LGR5: variants seen among roughly 807,000 people sequenced by gnomAD.
LGR5 encodes the protein leucine-rich repeat-containing G protein-coupled receptor 5.
In LGR5, 54 loss-of-function variants were observed where a neutral mutation model predicts 76.7. The observed-to-expected ratio is 0.70, with a 90% CI of 0.57 to 0.88. LGR5 has a LOEUF of 0.88. Among genes scored for constraint, LGR5 ranks in the 40% least tolerant of loss-of-function variants. LGR5 has a pLI of 0.00. For synonymous variants in LGR5, 406 were observed against 421.9 expected (o/e 0.96, Z 0.46); for missense variants, 1,078 against 1,073.3 (o/e 1.00, Z -0.06).
At chr12:71,446,517 T>C (rs1283669293) in intron 1 of LGR5, among the ~76,000 whole-genome samples, 7 of 152,188 alleles carry the variant, frequency 4.6e-5, no homozygotes, top group Non-Finnish European at 1.0e-4. Context: ...GGAATGATAA[T>C]AGTACCTCTT....
At chr12:71,556,482 C>A in intron 5 of LGR5, 137 bp from the exon 6 acceptor site, 1 of 651,436 alleles carries the variant, frequency 1.5e-6, no homozygotes, top group Non-Finnish European at 2.8e-6. Flanking sequence ...GTGAATGCAG[C>A]ATATAGCCAT....
At chr12:71,570,072 T>C (rs916374092) in intron 11 of LGR5, among the ~76,000 whole-genome samples, 1 of 152,078 alleles carries the variant, frequency 6.6e-6, no homozygotes, top group Non-Finnish European at 1.5e-5. Flanking sequence ...AAACCAAACA[T>C]TGCAAGTTCT....
chr12:71,582,521 C>A lies in LGR5; in HGVS notation c.1618C>A (p.Gln540Lys), dbSNP rs753557957. The A allele has an allele frequency of 2.5e-6, 4 of 1,613,548 alleles. No homozygotes were observed. The change falls in exon 17 of 18, where the codon CAG (glutamine) becomes AAG (lysine). Residue 540 changes from glutamine to lysine, a missense_variant. Physicochemically the swap from Gln to Lys is moderately conservative, Grantham distance 53. Coordinates refer to ENST00000266674, the MANE Select transcript of LGR5 (RefSeq NM_003667.4). ...AGACCTGAAAGCCCTTCATTCAGTG[C>A]AGTGTTCACCTTCCCCAGGTGAGAA... ...EEDLKALHSV[Q>K]CSPSPGPFKP...
At chr12:71,574,482 A>G (rs1218790246) in intron 13 of LGR5, among the ~76,000 whole-genome samples, 1 of 152,024 alleles carries the variant, frequency 6.6e-6, no homozygotes, top group Non-Finnish European at 1.5e-5. Context: ...CCGCAGGCCC[A>G]TTAATGATTC....
intron 3 of LGR5, among the ~76,000 whole-genome samples, chr12:71,534,320 G>A (rs922726375): frequency 2.0e-5 from 3 of 152,018 alleles, no homozygotes; most frequent in African/African-American, 7.3e-5. Flanking sequence ...TTTCCATTCT[G>A]TAGTCCCCAT....
chr12:71,487,029 T>G (rs1402940006), intron 1 of LGR5, among the ~76,000 whole-genome samples: 2 of 152,154 alleles, frequency 1.3e-5, no homozygotes, highest in African/African-American at 4.8e-5. Context: ...ATCCAGACCA[T>G]TTAGGTGGAA....
At chr12:71,525,407 T>C (rs1875943757) in intron 3 of LGR5, among the ~76,000 whole-genome samples, 2 of 99,644 alleles carry the variant, frequency 2.0e-5, no homozygotes, top group South Asian at 5.7e-4. Flanking sequence ...CTTTTCTTTC[T>C]TTTTTTTTTT....
At chr12:71,571,380 A>T in intron 11 of LGR5, 134 bp from the exon 12 acceptor site, 3 of 560,684 alleles carry the variant, frequency 5.4e-6, no homozygotes, top group Non-Finnish European at 9.4e-6. Flanking sequence ...TACCTGCTCC[A>T]TGTCAGGGCT....
chr12:71,472,112 T>C (rs964928734), intron 1 of LGR5, among the ~76,000 whole-genome samples: 6 of 152,268 alleles, frequency 3.9e-5, no homozygotes, highest in African/African-American at 1.4e-4. Flanking sequence ...AATTTATTCA[T>C]GTAACCACAC....
chr12:71,564,961 G>A (rs553397705), intron 8 of LGR5, among the ~76,000 whole-genome samples: 36 of 150,386 alleles, frequency 2.4e-4, no homozygotes, highest in Admixed American at 1.7e-3. Context: ...GTATATATAC[G>A]TATGTGTGTA....
At chr12:71,479,470 C>G (rs1873488259) in intron 1 of LGR5, among the ~76,000 whole-genome samples, 1 of 152,168 alleles carries the variant, frequency 6.6e-6, no homozygotes, top group African/African-American at 2.4e-5. Flanking sequence ...ATTCAGCACC[C>G]CCTTGCCCTT....
intron 1 of LGR5, among the ~76,000 whole-genome samples, chr12:71,456,088 A>C (rs1223129755): frequency 2.0e-5 from 3 of 152,110 alleles, no homozygotes; most frequent in African/African-American, 7.2e-5. Flanking sequence ...TAAGAAGCAA[A>C]ATTTTTCTAC....
At chr12:71,470,470 A>G (rs1020059070) in intron 1 of LGR5, among the ~76,000 whole-genome samples, 4 of 152,190 alleles carry the variant, frequency 2.6e-5, no homozygotes, top group Non-Finnish European at 5.9e-5. Flanking sequence ...ACTTTTATTT[A>G]ACTTCCCTAG....
intron 2 of LGR5, among the ~76,000 whole-genome samples, chr12:71,524,183 T>C (rs1034006338): frequency 2.0e-5 from 3 of 152,254 alleles, no homozygotes; most frequent in African/African-American, 4.8e-5. Flanking sequence ...AAATTGTTTA[T>C]TGTAAAGTAG....
At chr12:71,502,986 C>T (rs758070760) in intron 1 of LGR5, among the ~76,000 whole-genome samples, 5 of 152,134 alleles carry the variant, frequency 3.3e-5, no homozygotes, top group East Asian at 1.9e-4. Flanking sequence ...GTCTTGATGT[C>T]GAGACTGGTT....
Position 71,584,861 on chromosome 12 carries a change from CAGTT to C in LGR5, c.*131_*134del, listed in dbSNP as rs1421359041. On this transcript the variant is annotated 3_prime_UTR_variant, in exon 18 of 18. Transcript: ENST00000266674. The stretch of plus-strand genomic sequence containing the variant: ...GTTTAAAAACCAAAAAAGAATCTCT[CAGTT>C]AGTAAGAAAAGGCTGAAAACCTCTT... 19 of 946,102 alleles carry C rather than the reference CAGTT, an allele frequency of 2.0e-5. No individual in the cohort carries two copies. Among genetic ancestry groups the C allele is most frequent in the South Asian group, 5.1e-5 (3 of 59,090 alleles). 58.6% of individuals were successfully genotyped at this position (946,102 alleles called of 1,614,324 possible).
intron 11 of LGR5, chr12:71,567,326 A>G (rs1168577875): frequency 5.0e-6 from 1 of 200,538 alleles, no homozygotes; most frequent in Non-Finnish European, 1.0e-5. Flanking sequence ...GTGATCAAAC[A>G]TCCTTCCAGT....
chr12:71,566,982 G>C, intron 11 of LGR5, 70 bp downstream of exon 11: 1 of 1,156,352 alleles, frequency 8.6e-7, no homozygotes, highest in South Asian at 1.2e-5. Context: ...TGGCAGACAT[G>C]ATTTCAATAA....
intron 8 of LGR5, among the ~76,000 whole-genome samples, chr12:71,562,682 C>T (rs539735966): frequency 7.2e-5 from 11 of 152,222 alleles, no homozygotes; most frequent in South Asian, 2.1e-4. Flanking sequence ...GGCTCTTAGA[C>T]AAAAGGCTCC....
Sources: gnomAD v4.1 joint callset for allele counts (sites outside exome capture counted in the v4.1 genomes callset) on GRCh38, gnomAD v4.1.1 for gene constraint, MANE v1.5 for transcripts, NCBI Gene and HGNC (gene_info 2026-07-23, HGNC 2026-07-21) for gene names.